The following ADAMTS10 variants were observed in gnomAD, a reference collection of about 807,000 sequenced individuals.
ADAMTS10 encodes the protein A disintegrin and metalloproteinase with thrombospondin motifs 10.
ADAMTS10 carries 48 observed loss-of-function variants against 135.9 expected under a neutral mutation model. The observed-to-expected ratio is 0.35, with a 90% confidence interval of 0.28 to 0.45. ADAMTS10 has a LOEUF of 0.45. ADAMTS10 is among the 20% of genes least tolerant of loss of function. ADAMTS10 has a pLI of 1.00. For synonymous variants in ADAMTS10, 621 were observed against 647.5 expected (o/e 0.96, Z 0.62); for missense variants, 1,131 against 1,565.2 (o/e 0.72, Z 4.68).
In ADAMTS10 at chr19:8,585,298, C is replaced by G. The variant is rs782174245; in HGVS notation, c.2876G>C (p.Ser959Thr). ...AALDWSECTPSCGPGLRHRVV... is the reference protein window; with the variant it reads ...AALDWSECTPTCGPGLRHRVV... ...GCGGTGGCGGAGGCCCGGCCCGCAGCTGGGGGTGCACTGCAGTTGGAAGGG... is the reference window on the plus strand; with the variant it reads ...GCGGTGGCGGAGGCCCGGCCCGCAGGTGGGGGTGCACTGCAGTTGGAAGGG... Residue 959 changes from serine (S) to threonine (T), a missense_variant, in exon 24 of 26, where the codon AGC becomes ACC. By Grantham distance (58) the Ser-to-Thr change is moderately conservative. Transcript: ENST00000597188. 2 of 1,526,302 alleles carry G rather than the reference C, an allele frequency of 1.3e-6. No homozygotes were observed. The highest frequency in any genetic ancestry group is 1.8e-6 in the Non-Finnish European group (2 of 1,138,000). The allele number at this position is 1,526,302 out of a possible 1,614,324, so 94.5% of individuals were successfully genotyped here. A position where few individuals can be genotyped will look rare whatever the true frequency, so the allele number is the denominator to read the frequency against.
chr19:8,598,119 T>G (rs1467123177), intron 6 of ADAMTS10, among the ~76,000 whole-genome samples: 1 of 152,142 alleles, frequency 6.6e-6, no homozygotes. Context: ...TGGCCATGCA[T>G]CAGTCTTTTC....
At chr19:8,603,516 C>T (rs950024294) in intron 5 of ADAMTS10, among the ~76,000 whole-genome samples, 4 of 152,072 alleles carry the variant, frequency 2.6e-5, no homozygotes, top group South Asian at 2.1e-4. Context: ...TCAGGTGATC[C>T]GCCCACCTCG....
Position 8,586,889 on chromosome 19 carries a change from C to T in ADAMTS10, c.2166G>A (p.Glu722=), listed in dbSNP as rs1555737423. ...AGCCTTTGGGAATCCAGACGACATC[C>T]TCGTACCCTGAACAGCAGAGCTCAG... ...FSPASPGAGY[E]DVVWIPKGSV... Residue 722 remains glutamate, a synonymous_variant, in exon 19 of 26, where the codon GAG becomes GAA. Transcript: ENST00000597188. 2.5e-6 allele frequency: 4 copies of T among 1,614,088 alleles called. No homozygotes were observed. Among genetic ancestry groups the T allele is most frequent in the Admixed American group, 1.7e-5 (1 of 60,008 alleles).
At chr19:8,587,041 C>G in intron 18 of ADAMTS10, 145 bp from the exon 19 acceptor site, 1 of 889,982 alleles carries the variant, frequency 1.1e-6, no homozygotes, top group Non-Finnish European at 1.8e-6. Flanking sequence ...CCTTGTGAAC[C>G]AGGTGTTTCA....
Position 8,605,122 on chromosome 19 carries a change from G to A in ADAMTS10, c.325C>T (p.Arg109Trp), listed in dbSNP as rs1354681859. ...GCCCTCTGCCAGGCCAGGCCCTCCCGTGTCCAGTACTCCACGGAGACGTGC... is the reference window on the plus strand; with the variant it reads ...GCCCTCTGCCAGGCCAGGCCCTCCCATGTCCAGTACTCCACGGAGACGTGC... ...AGHVSVEYWTREGLAWQRAAR... is the reference protein window; with the variant it reads ...AGHVSVEYWTWEGLAWQRAAR... Residue 109 changes from arginine (R) to tryptophan (W), a missense_variant, in exon 4 of 26, where the codon CGG becomes TGG. Coordinates refer to ENST00000597188, the MANE Select transcript of ADAMTS10 (RefSeq NM_030957.4). This position sits in a 1 kb window ranked among gnomAD's most constrained non-coding sequence, Gnocchi z 7.7. 5.6e-6 allele frequency: 9 copies of A among 1,613,438 alleles called. No individual in the cohort carries two copies. Among genetic ancestry groups the A allele is most frequent in the Non-Finnish European group, 7.6e-6 (9 of 1,179,840 alleles).
chr19:8,591,854 G>A lies in ADAMTS10; in HGVS notation c.1743C>T (p.Ile581=), dbSNP rs147694025. ...SRHCDSPRPT[I]GGKYCLGERR... ...TCTCACCCAGACAGTACTTGCCCCCGATGGTTGGCCTGGAAAGGGTGGTGG... is the reference window on the plus strand; with the variant it reads ...TCTCACCCAGACAGTACTTGCCCCCAATGGTTGGCCTGGAAAGGGTGGTGG... The change falls in exon 15 of 26, where the codon ATC becomes ATT. Residue 581 remains isoleucine (I), a synonymous_variant. Coordinates refer to ENST00000597188, the MANE Select transcript of ADAMTS10 (RefSeq NM_030957.4). The A allele has an allele frequency of 1.0e-3, 1,621 of 1,613,640 alleles. 3 individuals carry two copies. Among genetic ancestry groups the A allele is most frequent in the Non-Finnish European group, 1.3e-3 (1,508 of 1,180,024 alleles).
intron 2 of ADAMTS10, among the ~76,000 whole-genome samples, chr19:8,607,567 G>C (rs1264941724): frequency 6.6e-6 from 1 of 152,084 alleles, no homozygotes; most frequent in Non-Finnish European, 1.5e-5. Flanking sequence ...ACAGAGTCTT[G>C]TTTTCTTTGC....
Position 8,603,784 on chromosome 19 carries a change from A to G in ADAMTS10, c.536T>C (p.Val179Ala). ...RSPEESGPHV[V>A]YKRSSLRHPH... ...GTGACGCAGAGAGGAACGCTTGTAC[A>G]CCACATGTGGTCCACTTTCCTCCGG... Residue 179 changes from valine to alanine, a missense_variant, in exon 5 of 26, where the codon GTG becomes GCG. Val to Ala is a moderately conservative substitution (Grantham distance 64). Around this residue, in one of 3 missense-constraint regions of ADAMTS10, gnomAD observed 306 missense variants for 344.4 expected, o/e 0.89. Transcript: ENST00000597188. 1 of 1,614,096 alleles carries G rather than the reference A, an allele frequency of 6.2e-7. No individual in the cohort carries two copies. Among genetic ancestry groups the G allele is most frequent in the Non-Finnish European group, 8.5e-7 (1 of 1,180,012 alleles).
intron 15 of ADAMTS10, among the ~76,000 whole-genome samples, chr19:8,590,671 G>T (rs2042512167): frequency 6.6e-6 from 1 of 152,146 alleles, no homozygotes; most frequent in Non-Finnish European, 1.5e-5. Flanking sequence ...TGTTAGCCAG[G>T]CTGGTCTCGA....
In ADAMTS10 at chr19:8,590,006, G is replaced by A. The variant is rs1555738534; in HGVS notation, c.1798-15C>T. ...GGGGGACAGTCCTGGGGGCAGGAGA[G>A]GAGAGATGGAGGGAGGCCAGGCTTG... is the stretch of plus-strand genomic sequence containing the variant. On this transcript the variant is annotated splice_polypyrimidine_tract_variant and intron_variant, in intron 15 of 25. Coordinates refer to ENST00000597188, the MANE Select transcript of ADAMTS10 (RefSeq NM_030957.4). 2 of 1,597,036 alleles carry A rather than the reference G, an allele frequency of 1.3e-6. No homozygotes were observed. Among genetic ancestry groups the A allele is most frequent in the East Asian group, 2.2e-5 (1 of 44,822 alleles).
chr19:8,592,341 A>C (rs918058146), intron 13 of ADAMTS10: 1 of 760,822 alleles, frequency 1.3e-6, no homozygotes, highest in Admixed American at 2.9e-5. Flanking sequence ...GGGTGTAGAC[A>C]GGACCACGAT....
In ADAMTS10 at chr19:8,600,577, C is replaced by A. The variant is rs572335788; in HGVS notation, c.810+351G>T. 6.2e-4 allele frequency among the ~76,000 whole-genome samples: 92 copies of A among 149,196 alleles called. 1 individual carries two copies. Among genetic ancestry groups the A allele is most frequent in the African/African-American group, 2.2e-3 (89 of 40,330 alleles). ...GCAGTGGCGTGATCTTGGCTCACTG[C>A]AAGCTCTGCCTCCCAGGTTCACGCC... On this transcript the variant is annotated intron_variant, in intron 6 of 25. Coordinates refer to ENST00000597188, the MANE Select transcript of ADAMTS10 (RefSeq NM_030957.4).
In ADAMTS10 at chr19:8,601,003, C is replaced by A. The variant is rs1485313031; in HGVS notation, c.735G>T (p.Val245=). 6.2e-7 allele frequency: 1 copy of A among 1,614,198 alleles called. No individual in the cohort carries two copies. Among genetic ancestry groups the A allele is most frequent in the Non-Finnish European group, 8.5e-7 (1 of 1,180,042 alleles). ...AGGCCACCATCATCTTGTCAGCCAC[C>A]ACCAGGGTCTCCACGTAGCGCTCTC... The part of the protein sequence containing the change: ...VSRERYVETL[V]VADKMMVAYH... Residue 245 remains valine, a synonymous_variant, in exon 6 of 26, where the codon GTG becomes GTT. Transcript: ENST00000597188. This position sits in a 1 kb window ranked among gnomAD's most constrained non-coding sequence, Gnocchi z 4.6.
intron 2 of ADAMTS10, among the ~76,000 whole-genome samples, chr19:8,607,820 C>T (rs546815784): frequency 1 from 144,993 of 145,354 alleles, 72,318 homozygotes; most frequent in Middle Eastern, 1. Flanking sequence ...CTCTCTCTCT[C>T]TTTTTTTTTG....
intron 16 of ADAMTS10, 85 bp downstream of exon 16, chr19:8,589,804 C>A: frequency 6.8e-7 from 1 of 1,469,230 alleles, no homozygotes; most frequent in South Asian, 1.2e-5. Context: ...GGGCAGACCC[C>A]GGGATGCTGC....
At chr19:8,608,285 G>C (rs571238516) in intron 1 of ADAMTS10, 37 bp from the exon 2 acceptor site, 9 of 152,320 alleles carry the variant, frequency 5.9e-5, no homozygotes, top group Non-Finnish European at 1.3e-4. Flanking sequence ...GAGCCGGGCT[G>C]GTCTTCAGCA....
At position 8,605,121 on chromosome 19, in the gene ADAMTS10, C is replaced by T. The variant is rs371686886; in HGVS notation, c.326G>A (p.Arg109Gln). ...AGHVSVEYWT[R>Q]EGLAWQRAAR... ...CGCCCTCTGCCAGGCCAGGCCCTCC[C>T]GTGTCCAGTACTCCACGGAGACGTG... Residue 109 changes from arginine to glutamine, a missense_variant, in exon 4 of 26, where the codon CGG (arginine) becomes CAG (glutamine). Around this residue, in one of 3 missense-constraint regions of ADAMTS10, gnomAD observed 306 missense variants for 344.4 expected, o/e 0.89. Coordinates refer to ENST00000597188, the MANE Select transcript of ADAMTS10 (RefSeq NM_030957.4). This position sits in a 1 kb window ranked among gnomAD's most constrained non-coding sequence, Gnocchi z 7.7. 33 of 1,613,404 alleles carry T rather than the reference C, an allele frequency of 2.0e-5. No homozygotes were observed. The Middle Eastern group carries it at 4.9e-4, about 24-fold the overall frequency.
intron 25 of ADAMTS10, among the ~76,000 whole-genome samples, chr19:8,583,607 G>A (rs2042382514): frequency 1.3e-5 from 2 of 152,144 alleles, no homozygotes; most frequent in African/African-American, 2.4e-5. Context: ...AGCACTTTGG[G>A]AGGCCGAGGC....
intron 18 of ADAMTS10, 98 bp from the exon 19 acceptor site, chr19:8,586,994 T>G (rs577487018): frequency 1.6e-6 from 2 of 1,264,810 alleles, no homozygotes; most frequent in African/African-American, 2.9e-5. Flanking sequence ...TAACTATTAC[T>G]GCGCTAAACA....
Sources: allele counts gnomAD v4.1 joint callset (sites outside exome capture counted in the v4.1 genomes callset), GRCh38; gene constraint gnomAD v4.1.1; regional missense constraint gnomAD v4.1.1; non-coding constraint Gnocchi (gnomAD v3.1); transcripts MANE v1.5; gene names NCBI Gene and HGNC (gene_info 2026-07-23, HGNC 2026-07-21).